GRID2: variants seen among roughly 807,000 people sequenced by gnomAD.
GRID2 encodes glutamate receptor ionotropic, delta-2.
In GRID2, 33 loss-of-function variants were observed where a neutral mutation model predicts 114.8. The ratio of observed to expected loss-of-function variants is 0.29; its 90% CI spans 0.22 to 0.38. The LOEUF (loss-of-function observed/expected upper bound fraction) is 0.38, where lower values mean the gene tolerates loss of function less well. GRID2 is among the 10% of genes least tolerant of loss of function. The pLI is 1.00. For synonymous variants in GRID2, 505 were observed against 449.9 expected, an observed-to-expected ratio of 1.12 and a Z score of -1.55; for missense variants, 1,184 against 1,257.7, an observed-to-expected ratio of 0.94 and a Z score of 0.89.
chr4:93,188,044 G>A (rs1740610165), intron 4 of GRID2, among the ~76,000 whole-genome samples: 2 of 151,030 alleles, frequency 1.3e-5, no homozygotes, highest in East Asian at 1.9e-4. Flanking sequence ...CAGGGTTTGC[G>A]GAATGCAACC....
chr4:92,832,714 G>T (rs1742200649), intron 2 of GRID2, among the ~76,000 whole-genome samples: 1 of 152,032 alleles, frequency 6.6e-6, no homozygotes, highest in Non-Finnish European at 1.5e-5. Context: ...TTGAACCCAG[G>T]AGGTGGAGGT....
intron 1 of GRID2, among the ~76,000 whole-genome samples, chr4:92,390,312 C>T (rs1730178632): frequency 6.6e-6 from 1 of 152,088 alleles, no homozygotes; most frequent in African/African-American, 2.4e-5. Flanking sequence ...GAAAGAATAA[C>T]CGCCCCAAGA....
At chr4:92,983,232 C>T (rs1021307900) in intron 2 of GRID2, among the ~76,000 whole-genome samples, 5 of 152,038 alleles carry the variant, frequency 3.3e-5, no homozygotes, top group Admixed American at 1.3e-4. Context: ...TTATTTCCTA[C>T]GTTTGCTCTT....
At chr4:92,552,512 C>G (rs1009337624) in intron 1 of GRID2, among the ~76,000 whole-genome samples, 1 of 152,052 alleles carries the variant, frequency 6.6e-6, no homozygotes, top group African/African-American at 2.4e-5. Context: ...TAAGACAGAG[C>G]TATTCAAATG....
intron 8 of GRID2, among the ~76,000 whole-genome samples, chr4:93,346,029 CT>C (rs745682591): frequency 1.3e-5 from 2 of 152,084 alleles, no homozygotes; most frequent in African/African-American, 2.4e-5. Context: ...CAACACCATG[CT>C]GTTTTAATTG....
chr4:93,565,510 T>C lies in GRID2; in HGVS notation c.2193+50099T>C, dbSNP rs187808009. On this transcript the variant is annotated intron_variant, in intron 13 of 15. Transcript: ENST00000282020. Reference sequence around the variant, plus strand: ...TTCAGGCAGGAGAATATAATCAATCTTATTTCTGTTGCACGAAAAAACCTA... The same window carrying C: ...TTCAGGCAGGAGAATATAATCAATCCTATTTCTGTTGCACGAAAAAACCTA... Among the ~76,000 whole-genome samples, 256 of 152,290 alleles carry C rather than the reference T, an allele frequency of 1.7e-3. 1 individual carries two copies. Among genetic ancestry groups the C allele is most frequent in the Middle Eastern group, 6.8e-3 (2 of 294 alleles).
chr4:93,160,230 G>A (rs1032805), intron 4 of GRID2, among the ~76,000 whole-genome samples: 81,356 of 151,398 alleles, frequency 0.54, 23,218 homozygotes, highest in African/African-American at 0.71. Context: ...GTGAAACACA[G>A]GTCATGATTA....
chr4:93,695,586 G>C (rs1325759596), intron 14 of GRID2, among the ~76,000 whole-genome samples: 2 of 152,214 alleles, frequency 1.3e-5, no homozygotes, highest in African/African-American at 4.8e-5. Context: ...CTATGGTCAG[G>C]ATGATGCCTG....
intron 1 of GRID2, among the ~76,000 whole-genome samples, chr4:92,578,110 CTTCTTTTTCTTATTATTA>C (rs1290732669): frequency 2.1e-4 from 26 of 124,820 alleles, no homozygotes; most frequent in Non-Finnish European, 1.9e-4. Context: ...TCTTCTTCTT[CTTCTTTTTCTTATTATTA>C]TTATTACACT....
At chr4:92,618,000 G>A (rs943458016) in intron 2 of GRID2, among the ~76,000 whole-genome samples, 2 of 151,564 alleles carry the variant, frequency 1.3e-5, no homozygotes, top group Non-Finnish European at 3.0e-5. Flanking sequence ...CCTTTGCAGT[G>A]TAGAAGCTTT....
At chr4:93,586,517 A>G (rs936985577) in intron 13 of GRID2, among the ~76,000 whole-genome samples, 1 of 152,152 alleles carries the variant, frequency 6.6e-6, no homozygotes, top group Non-Finnish European at 1.5e-5. Flanking sequence ...TTTTGTGCCT[A>G]TTATATGTGA....
chr4:93,514,877 G>A lies in GRID2; in HGVS notation c.1998-339G>A, dbSNP rs1009797601. On this transcript the variant is annotated intron_variant, in intron 12 of 15. Coordinates refer to ENST00000282020, the MANE Select transcript of GRID2 (RefSeq NM_001510.4). The stretch of plus-strand genomic sequence containing the variant: ...GAAAGTTTTTTAAATTACTAAATTA[G>A]CATGTGATTATCTAGCAGTCTAATT... 4.6e-5 allele frequency among the ~76,000 whole-genome samples: 7 copies of A among 152,102 alleles called. No individual in the cohort carries two copies. The South Asian group carries it at 1.0e-3, about 23-fold the overall frequency.
intron 2 of GRID2, among the ~76,000 whole-genome samples, chr4:92,815,306 G>T (rs1282129718): frequency 1.3e-5 from 2 of 152,018 alleles, no homozygotes; most frequent in African/African-American, 4.8e-5. Flanking sequence ...GAGCATGTGT[G>T]GGCATATATG....
chr4:93,556,744 G>C (rs1734353179), intron 13 of GRID2, among the ~76,000 whole-genome samples: 1 of 151,984 alleles, frequency 6.6e-6, no homozygotes, highest in Admixed American at 6.6e-5. Context: ...GAAATATAGA[G>C]AACACCACAA....
intron 2 of GRID2, among the ~76,000 whole-genome samples, chr4:92,634,539 A>G (rs1358345698): frequency 1.3e-5 from 2 of 152,142 alleles, no homozygotes; most frequent in Non-Finnish European, 2.9e-5. Context: ...AGAAACACAC[A>G]CTTCCAGAAA....
At chr4:93,593,808 T>C (rs2149621601) in intron 13 of GRID2, among the ~76,000 whole-genome samples, 1 of 152,326 alleles carries the variant, frequency 6.6e-6, no homozygotes, top group Non-Finnish European at 1.5e-5. Context: ...ATTTATTTCA[T>C]CTTCCATTGC....
intron 8 of GRID2, among the ~76,000 whole-genome samples, chr4:93,341,964 C>T (rs561160036): frequency 1.6e-3 from 238 of 152,238 alleles, no homozygotes; most frequent in African/African-American, 5.6e-3. Flanking sequence ...TCCAGATCTA[C>T]TCTCTTATCT....
rs551078691 is a variant in GRID2, at chr4:93,274,318, C to G, written c.1245+35828C>G. On this transcript the variant is annotated intron_variant, in intron 8 of 15. Transcript: ENST00000282020. The stretch of plus-strand genomic sequence containing the variant: ...ACCTTCGGTTACACCAAAGGCACTT[C>G]GGGGTTTTATTGTTGTATTATTGTT... Among the ~76,000 whole-genome samples, 11 of 152,168 alleles carry G rather than the reference C, an allele frequency of 7.2e-5. No homozygotes were observed. In the East Asian group the frequency reaches 2.1e-3, roughly 29 times the overall value.
Position 93,455,843 on chromosome 4 carries a change from C to T in GRID2, c.1727C>T (p.Thr576Ile). The T allele has an allele frequency of 6.2e-7, 1 of 1,612,678 alleles. No individual in the cohort carries two copies. Among genetic ancestry groups the T allele is most frequent in the African/African-American group, 1.3e-5 (1 of 74,994 alleles). The change falls in exon 11 of 16, where the codon ACA (threonine) becomes ATA (isoleucine). Residue 576 changes from threonine to isoleucine, a missense_variant. Around this residue, in one of 3 missense-constraint regions of GRID2, gnomAD observed 717 missense variants for 796.9 expected, o/e 0.90. Transcript: ENST00000282020. ...DLSLWACIAGTVLLVGLLVYL... is the reference protein window; with the variant it reads ...DLSLWACIAGIVLLVGLLVYL... Reference sequence around the variant, plus strand: ...TCTCTATGGGCTTGCATTGCTGGCACAGTCCTTCTGGTGGGTCTACTGGTC... The same window carrying T: ...TCTCTATGGGCTTGCATTGCTGGCATAGTCCTTCTGGTGGGTCTACTGGTC...
Sources: gnomAD v4.1 joint callset for allele counts (sites outside exome capture counted in the v4.1 genomes callset) on GRCh38, gnomAD v4.1.1 for gene constraint, gnomAD v4.1.1 regional missense constraint, MANE v1.5 for transcripts, NCBI Gene and HGNC (gene_info 2026-07-23, HGNC 2026-07-21) for gene names.